The following CNNM2 variants were observed in gnomAD, a reference collection of about 807,000 sequenced individuals.
CNNM2 encodes metal transporter CNNM2.
A neutral mutation model predicts 66.9 loss-of-function variants in CNNM2; 12 were observed. The ratio of observed to expected loss-of-function variants is 0.18; its 90% CI spans 0.11 to 0.29. CNNM2 has a LOEUF of 0.29. CNNM2 is among the 10% of genes least tolerant of loss of function. The pLI is 1.00. For synonymous variants in CNNM2, 557 were observed against 501.8 expected (o/e 1.11, Z -1.47); for missense variants, 705 against 1,167.7 (o/e 0.60, Z 5.77).
At chr10:102,922,937 CA>C (rs60845072) in intron 1 of CNNM2, among the ~76,000 whole-genome samples, 273 of 89,590 alleles carry the variant, frequency 3.0e-3, no homozygotes, top group Admixed American at 4.0e-3. Flanking sequence ...GACCCTGTCT[CA>C]AAAAAAAAAA....
chr10:102,932,938 A>G (rs928366581), intron 1 of CNNM2, among the ~76,000 whole-genome samples: 14 of 150,086 alleles, frequency 9.3e-5, no homozygotes, highest in African/African-American at 2.2e-4. Flanking sequence ...AAAAAAAAAA[A>G]TTGGCCATAC....
intron 1 of CNNM2, among the ~76,000 whole-genome samples, chr10:103,004,460 G>A (rs1334542738): frequency 6.6e-6 from 1 of 152,190 alleles, no homozygotes. Context: ...GCCAGGAAGT[G>A]GAATTGCTGG....
chr10:102,942,415 G>A (rs540616994), intron 1 of CNNM2, among the ~76,000 whole-genome samples: 2 of 152,250 alleles, frequency 1.3e-5, no homozygotes, highest in African/African-American at 4.8e-5. Flanking sequence ...GAATTATATG[G>A]TATTTATCTT....
chr10:103,013,480 T>C (rs2064384245), intron 1 of CNNM2, among the ~76,000 whole-genome samples: 1 of 152,024 alleles, frequency 6.6e-6, no homozygotes, highest in South Asian at 2.1e-4. Context: ...ACCTGGTGGG[T>C]TAAAGCATTT....
chr10:102,998,811 T>G (rs1206958508), intron 1 of CNNM2, among the ~76,000 whole-genome samples: 1 of 152,150 alleles, frequency 6.6e-6, no homozygotes, highest in East Asian at 1.9e-4. Context: ...AAACCCTGTC[T>G]CTACTAAAAG....
chr10:102,966,450 G>A lies in CNNM2; in HGVS notation c.1621+46349G>A, dbSNP rs1004097270. ...TTGAGGCCAGCCTGGCCAACATGGC[G>A]AAACCCCATCTCTACTAAATATACA... On this transcript the variant is annotated intron_variant, in intron 1 of 7. Transcript: ENST00000369878. Among the ~76,000 whole-genome samples the A allele has an allele frequency of 4.2e-4, 64 of 152,148 alleles. 2 individuals are homozygous for A. The highest frequency in any genetic ancestry group is 6.5e-5 in the Admixed American group (1 of 15,270).
In CNNM2 at chr10:102,940,003, A is replaced by AAAC. The variant is rs372712907; in HGVS notation, c.1621+19904_1621+19905insCAA. ...CAAACAACAACAACAACAACAACAAAAAAAAAACCGCCATGTAGGAGACGG... is the reference window on the plus strand; with the variant it reads ...CAAACAACAACAACAACAACAACAAAAACAAAAAAACCGCCATGTAGGAGACGG... On this transcript the variant is annotated intron_variant, in intron 1 of 7. Coordinates refer to ENST00000369878, the MANE Select transcript of CNNM2 (RefSeq NM_017649.5). Among the ~76,000 whole-genome samples the AAAC allele has an allele frequency of 3.8e-4, 57 of 150,762 alleles. No individual in the cohort carries two copies. The highest frequency in any genetic ancestry group is 1.1e-3 in the African/African-American group (43 of 40,938).
intron 1 of CNNM2, among the ~76,000 whole-genome samples, chr10:102,946,628 C>T (rs1428993474): frequency 6.6e-6 from 1 of 152,116 alleles, no homozygotes; most frequent in Non-Finnish European, 1.5e-5. Context: ...ATTCTTCACT[C>T]CTAGGTTAAA....
chr10:103,000,123 C>A (rs754496987), intron 1 of CNNM2, among the ~76,000 whole-genome samples: 4 of 152,060 alleles, frequency 2.6e-5, no homozygotes, highest in Non-Finnish European at 5.9e-5. Flanking sequence ...ATAATACCAG[C>A]TACTTGGGAG....
intron 1 of CNNM2, among the ~76,000 whole-genome samples, chr10:102,955,767 T>A (rs1190835740): frequency 8.6e-5 from 13 of 151,938 alleles, no homozygotes; most frequent in Admixed American, 2.6e-4. Flanking sequence ...AACAGACACA[T>A]GAAAAAATGC....
chr10:103,043,480 C>A (rs932455663), intron 1 of CNNM2, among the ~76,000 whole-genome samples: 3 of 152,174 alleles, frequency 2.0e-5, no homozygotes, highest in African/African-American at 7.2e-5. Context: ...ACAGTTATTA[C>A]CATCAAAATA....
intron 1 of CNNM2, among the ~76,000 whole-genome samples, chr10:102,976,954 T>G: frequency 6.6e-6 from 1 of 152,192 alleles, no homozygotes; most frequent in East Asian, 1.9e-4. Flanking sequence ...TCTGAGATAT[T>G]GCTGTTAACA....
intron 1 of CNNM2, among the ~76,000 whole-genome samples, chr10:102,999,764 T>A (rs987662113): frequency 6.6e-6 from 1 of 152,192 alleles, no homozygotes; most frequent in African/African-American, 2.4e-5. Flanking sequence ...AAATTTACTG[T>A]TGGCCAATAA....
At chr10:102,922,777 CA>C (rs1456117859) in intron 1 of CNNM2, among the ~76,000 whole-genome samples, 1 of 151,858 alleles carries the variant, frequency 6.6e-6, no homozygotes, top group African/African-American at 2.4e-5. Flanking sequence ...CCCGTGCCTA[CA>C]AAAAATACAA....
chr10:102,919,881 C>T lies in CNNM2; in HGVS notation c.1401C>T (p.Phe467=). The change falls in exon 1 of 8, where the codon TTC becomes TTT. Residue 467 remains phenylalanine (F), a synonymous_variant. Coordinates refer to ENST00000369878, the MANE Select transcript of CNNM2 (RefSeq NM_017649.5). The stretch of plus-strand genomic sequence containing the variant: ...TCACCGGCGAAGCCATCCTGGACTT[C>T]AACACCATGTCTGAGATCATGGAGA... ...FMITGEAILD[F]NTMSEIMESG... 1 of 1,614,248 alleles carries T rather than the reference C, an allele frequency of 6.2e-7. No homozygotes were observed. The highest frequency in any genetic ancestry group is 2.2e-5 in the East Asian group (1 of 44,884).
At chr10:103,012,475 G>A (rs1276397635) in intron 1 of CNNM2, among the ~76,000 whole-genome samples, 1 of 151,990 alleles carries the variant, frequency 6.6e-6, no homozygotes, top group Non-Finnish European at 1.5e-5. Flanking sequence ...GTGAAATCCT[G>A]ATTCTACTAA....
intron 1 of CNNM2, among the ~76,000 whole-genome samples, chr10:102,997,791 GT>G (rs966412304): frequency 5.3e-5 from 8 of 152,158 alleles, no homozygotes; most frequent in Admixed American, 1.3e-4. Flanking sequence ...TTTTAATTTT[GT>G]TTGCAGTCCC....
chr10:103,005,439 A>G (rs951662590), intron 1 of CNNM2, among the ~76,000 whole-genome samples: 17 of 151,920 alleles, frequency 1.1e-4, no homozygotes, highest in Non-Finnish European at 2.1e-4. Context: ...ACCTGAGGTC[A>G]GGAGTACAAG....
intron 2 of CNNM2, among the ~76,000 whole-genome samples, chr10:103,053,028 G>T (rs1483359538): frequency 2.6e-5 from 4 of 152,298 alleles, no homozygotes; most frequent in African/African-American, 9.6e-5. Flanking sequence ...CAGTCCTTGG[G>T]AAGGAGCAAG....
Sources: gnomAD v4.1 joint callset for allele counts (sites outside exome capture counted in the v4.1 genomes callset) on GRCh38, gnomAD v4.1.1 for gene constraint, MANE v1.5 for transcripts, NCBI Gene and HGNC (gene_info 2026-07-23, HGNC 2026-07-21) for gene names.